GBP5: variants seen among roughly 807,000 people sequenced by gnomAD.
GBP5 encodes guanylate binding protein 5, also known as guanylate-binding protein 5.
A neutral mutation model predicts 58.2 loss-of-function variants in GBP5; 48 were observed. The observed-to-expected ratio is 0.83, with a 90% CI of 0.65 to 1.05. The LOEUF is 1.05. Among genes scored for constraint, GBP5 ranks in the 50% least tolerant of loss-of-function variants. The pLI is 0.00. For synonymous variants in GBP5, 248 were observed against 251.8 expected (o/e 0.98, Z 0.14); for missense variants, 714 against 686.8 (o/e 1.04, Z -0.44).
chr1:89,262,353 G>A lies in GBP5; in HGVS notation c.1514C>T (p.Ala505Val), dbSNP rs370050284. ...TTGCTCGTTCTGCCTTTGAATCGCC[G>A]CCAACCTTTGCGCTTCAGCCTTTTC... ...EAEKAEAQRLAAIQRQNEQMM... is the reference protein window; with the variant it reads ...EAEKAEAQRLVAIQRQNEQMM... Residue 505 changes from alanine (A) to valine (V), a missense_variant, in exon 11 of 12, where the codon GCG becomes GTG. Transcript: ENST00000370459. 3.1e-5 allele frequency: 50 copies of A among 1,613,908 alleles called. 1 individual carries two copies. The African/African-American group carries it at 5.2e-4, about 17-fold the overall frequency.
At position 89,267,136 on chromosome 1, in the gene GBP5, G is replaced by A; in HGVS notation, c.446C>T (p.Thr149Ile). The A allele has an allele frequency of 3.1e-6, 5 of 1,593,716 alleles. No individual in the cohort carries two copies. Among genetic ancestry groups the A allele is most frequent in the African/African-American group, 1.4e-5 (1 of 73,650 alleles). Residue 149 changes from threonine to isoleucine, a missense_variant, in exon 6 of 12, where the codon ACA (threonine) becomes ATA (isoleucine). Transcript: ENST00000370459. ...TGAGTTTCTTGCCTTGAGCAGATCT[G>A]TCAGTTCTGTCACATTGCTGAGATG... The part of the protein sequence containing the change: ...IDLLHNVTEL[T>I]DLLKARNSPD...
Position 89,264,981 on chromosome 1 carries a change from G to C in GBP5, c.869-15C>G, listed in dbSNP as rs1570412923. 2 of 1,598,682 alleles carry C rather than the reference G, an allele frequency of 1.3e-6. No homozygotes were observed. The highest frequency in any genetic ancestry group is 1.7e-6 in the Non-Finnish European group (2 of 1,168,880). On this transcript the variant is annotated splice_polypyrimidine_tract_variant and intron_variant, in intron 7 of 11. Coordinates refer to ENST00000370459, the MANE Select transcript of GBP5 (RefSeq NM_052942.5). The stretch of plus-strand genomic sequence containing the variant: ...GTTCTTTAGACCTTCATGGAAGAAA[G>C]AAACATTTATATTATTTGCAAAGGA...
At position 89,258,541 on chromosome 1, in the gene GBP5, G is replaced by A. The variant is rs1006254193; in HGVS notation, c.*2163C>T. On this transcript the variant is annotated 3_prime_UTR_variant, in exon 12 of 12. Transcript: ENST00000370459. ...TCAGTTCAAATCTAGAAATACTGCTGAGTAGCACCACATCCTATCTGATAT... is the reference window on the plus strand; with the variant it reads ...TCAGTTCAAATCTAGAAATACTGCTAAGTAGCACCACATCCTATCTGATAT... Among the ~76,000 whole-genome samples, 1 of 152,132 alleles carries A rather than the reference G, an allele frequency of 6.6e-6. No individual in the cohort carries two copies. The highest frequency in any genetic ancestry group is 1.5e-5 in the Non-Finnish European group (1 of 68,024).
chr1:89,260,890 C>G (rs964078991), intron 11 of GBP5, 73 bp from the exon 12 acceptor site: 6 of 1,029,566 alleles, frequency 5.8e-6, no homozygotes, highest in Non-Finnish European at 9.2e-6. Context: ...GTCCTTACTT[C>G]TTTTCATCTA....
chr1:89,263,975 A>C, intron 8 of GBP5, 27 bp from the exon 9 acceptor site: 3 of 1,349,820 alleles, frequency 2.2e-6, no homozygotes, highest in Non-Finnish European at 3.2e-6. Context: ...ACCCATGGAA[A>C]AGATGTTAGC....
chr1:89,264,192 A>T (rs1285689321), intron 8 of GBP5, among the ~76,000 whole-genome samples: 1 of 152,000 alleles, frequency 6.6e-6, no homozygotes, highest in Non-Finnish European at 1.5e-5. Context: ...CATGCCACAG[A>T]CCTCTAGCTT....
chr1:89,264,544 C>A (rs1650132280), intron 8 of GBP5, 142 bp downstream of exon 8: 1 of 722,374 alleles, frequency 1.4e-6, no homozygotes, highest in Non-Finnish European at 2.3e-6. Context: ...CATTTGTTTT[C>A]AGAATAAAAG....
chr1:89,271,502 G>A (rs1381738654), intron 1 of GBP5: 1 of 152,092 alleles, frequency 6.6e-6, no homozygotes, highest in Non-Finnish European at 1.5e-5. Flanking sequence ...AAGAGAAAAT[G>A]CTCAGAAGTG....
chr1:89,272,215 A>C (rs1303725019), intron 1 of GBP5: 1 of 152,234 alleles, frequency 6.6e-6, no homozygotes, highest in Non-Finnish European at 1.5e-5. Context: ...AAGAAAAATA[A>C]TTTGAAGGCA....
At chr1:89,266,911 T>C (rs1415333428) in intron 6 of GBP5, 46 bp downstream of exon 6, 12 of 1,362,334 alleles carry the variant, frequency 8.8e-6, no homozygotes, top group Middle Eastern at 1.8e-4. Context: ...GATAATTTCT[T>C]AGATTACTTT....
At chr1:89,263,970 T>C (rs767331339) in intron 8 of GBP5, 22 bp from the exon 9 acceptor site, 12 of 1,380,202 alleles carry the variant, frequency 8.7e-6, no homozygotes, top group Non-Finnish European at 1.2e-5. Context: ...CAAAAACCCA[T>C]GGAAAAGATG....
In GBP5 at chr1:89,268,759, A is replaced by C; in HGVS notation, c.288T>G (p.Leu96=). 2 of 1,614,072 alleles carry C rather than the reference A, an allele frequency of 1.2e-6. No individual in the cohort carries two copies. The highest frequency in any genetic ancestry group is 1.7e-6 in the Non-Finnish European group (2 of 1,179,984). Residue 96 remains leucine, a synonymous_variant, in exon 4 of 12, where the codon CTT becomes CTG. Coordinates refer to ENST00000370459, the MANE Select transcript of GBP5 (RefSeq NM_052942.5). The part of the protein sequence containing the change: ...PNWPNHTLVL[L]DTEGLGDVEK... ...CTACATCTCCCAGGCCCTCGGTGTC[A>C]AGCAGAACTAATGTGTGATTTGGCC...
At chr1:89,267,301 CT>C in intron 5 of GBP5, 115 bp downstream of exon 5, 1 of 969,062 alleles carries the variant, frequency 1.0e-6, no homozygotes, top group Non-Finnish European at 1.6e-6. Context: ...TTTCTTTGTA[CT>C]TTCAATGTTT....
rs1317361757 is a variant in GBP5, at chr1:89,260,465, C to A, written c.*239G>T. The stretch of plus-strand genomic sequence containing the variant: ...TCACGCATAAATGAAGGCAGTGATA[C>A]AATGTCCCTTATACAATTTATAATC... On this transcript the variant is annotated 3_prime_UTR_variant, in exon 12 of 12. Transcript: ENST00000370459. 5 of 361,624 alleles carry A rather than the reference C, an allele frequency of 1.4e-5. No individual in the cohort carries two copies. The highest frequency in any genetic ancestry group is 2.5e-5 in the Non-Finnish European group (5 of 198,130). 22.4% of individuals were successfully genotyped at this position (361,624 alleles called of 1,614,324 possible).
Position 89,266,988 on chromosome 1 carries a change from T to G in GBP5, c.594A>C (p.Glu198Asp). The G allele has an allele frequency of 6.2e-7, 1 of 1,609,810 alleles. No homozygotes were observed. Among genetic ancestry groups the G allele is most frequent in the Non-Finnish European group, 8.5e-7 (1 of 1,179,142 alleles). The part of the protein sequence containing the change: ...EIDGQLVTPD[E>D]YLENSLRPKQ... Reference sequence around the variant, plus strand: ...TTGGCCTTAGGGAATTCTCCAGGTATTCATCTGGTGTGACAAGTTGCCCAT... The same window carrying G: ...TTGGCCTTAGGGAATTCTCCAGGTAGTCATCTGGTGTGACAAGTTGCCCAT... The change falls in exon 6 of 12, where the codon GAA becomes GAC. Residue 198 changes from glutamate to aspartate, a missense_variant. Glu to Asp is a conservative substitution (Grantham distance 45, BLOSUM62 2). Coordinates refer to ENST00000370459, the MANE Select transcript of GBP5 (RefSeq NM_052942.5).
intron 11 of GBP5, chr1:89,261,930 CG>C (rs1557499974): frequency 2.6e-6 from 1 of 379,432 alleles, no homozygotes; most frequent in African/African-American, 2.1e-5. Flanking sequence ...TACTCTGTAT[CG>C]GGCACCATTT....
In GBP5 at chr1:89,263,837, T is replaced by C. The variant is rs1446678197; in HGVS notation, c.1261A>G (p.Lys421Glu). The C allele has an allele frequency of 1.2e-6, 2 of 1,613,032 alleles. No homozygotes were observed. Among genetic ancestry groups the C allele is most frequent in the Non-Finnish European group, 1.7e-6 (2 of 1,179,506 alleles). Residue 421 changes from lysine (K) to glutamate (E), a missense_variant, in exon 9 of 12, where the codon AAG becomes GAG. Lys to Glu is a moderately conservative substitution (Grantham distance 56). Coordinates refer to ENST00000370459, the MANE Select transcript of GBP5 (RefSeq NM_052942.5). ...CCTGGCTTAGAATAAATTCCCTGCT[T>C]CACTGCTTCTTCTAGAGGACCAAAA... The part of the protein sequence containing the change: ...DIFGPLEEAV[K>E]QGIYSKPGGH...
At position 89,269,372 on chromosome 1, in the gene GBP5, T is replaced by C. The variant is rs1439113470; in HGVS notation, c.184A>G (p.Asn62Asp). 8 of 1,613,946 alleles carry C rather than the reference T, an allele frequency of 5.0e-6. No individual in the cohort carries two copies. The highest frequency in any genetic ancestry group is 6.8e-6 in the Non-Finnish European group (8 of 1,179,968). ...CTTTGCTGGTACCACTCACCCTTGT[T>C]CTTCCCAGCCAGCTTGTTCATCAGG... Reference protein sequence around the residue: ...SYLMNKLAGKNKGFSVASTVQ... With the variant: ...SYLMNKLAGKDKGFSVASTVQ... Residue 62 changes from asparagine (N) to aspartate (D), a missense_variant, in exon 3 of 12, where the codon AAC becomes GAC. Coordinates refer to ENST00000370459, the MANE Select transcript of GBP5 (RefSeq NM_052942.5).
At chr1:89,271,628 T>C (rs1241968256) in intron 1 of GBP5, 2 of 152,354 alleles carry the variant, frequency 1.3e-5, no homozygotes, top group African/African-American at 2.4e-5. Context: ...TTATTTTGCA[T>C]AGTTTCTGGT....
Sources: gnomAD v4.1 joint callset for allele counts (sites outside exome capture counted in the v4.1 genomes callset) on GRCh38, gnomAD v4.1.1 for gene constraint, MANE v1.5 for transcripts, NCBI Gene and HGNC (gene_info 2026-07-23, HGNC 2026-07-21) for gene names.